The following ELAPOR2 variants were observed in gnomAD, a reference collection of about 807,000 sequenced individuals.
ELAPOR2 encodes the protein endosome-lysosome associated apoptosis and autophagy regulator family member 2.
In ELAPOR2, 89 loss-of-function variants were observed where a neutral mutation model predicts 120.7. The ratio of observed to expected loss-of-function variants is 0.74; its 90% CI spans 0.62 to 0.88. The LOEUF is 0.88. ELAPOR2 is among the 40% of genes least tolerant of loss of function. The pLI is 0.00. For missense variants in ELAPOR2, 1,134 were observed against 1,251.6 expected (o/e 0.91, Z 1.42); for synonymous variants, 444 against 444.9 (o/e 1.00, Z 0.03).
At position 86,926,920 on chromosome 7, in the gene ELAPOR2, C is replaced by CA. The variant is rs397698585; in HGVS notation, c.1090-5dup. On this transcript the variant is annotated splice_polypyrimidine_tract_variant and splice_region_variant and intron_variant, in intron 8 of 21. Transcript: ENST00000450689. Reference sequence around the variant, plus strand: ...TCCACTTGTACATTATCTGTGTCTACAAAAAAAAAAAAAAAAAAAAAGCAA... The same window carrying CA: ...TCCACTTGTACATTATCTGTGTCTACAAAAAAAAAAAAAAAAAAAAAAGCAA... The CA allele has an allele frequency of 0.16, 139,851 of 876,028 alleles. 2,963 individuals carry two copies. The highest frequency in any genetic ancestry group is 0.19 in the African/African-American group (6,504 of 34,040). The allele number at this position is 876,028 out of a possible 1,614,324, so 54.3% of individuals were successfully genotyped here.
At chr7:86,948,342 G>C (rs1377638831) in intron 2 of ELAPOR2, among the ~76,000 whole-genome samples, 1 of 152,184 alleles carries the variant, frequency 6.6e-6, no homozygotes, top group African/African-American at 2.4e-5. Context: ...CAGTGCACTT[G>C]TTATAATACC....
chr7:86,993,245 A>AG (rs1793009358), intron 1 of ELAPOR2, among the ~76,000 whole-genome samples: 1 of 150,244 alleles, frequency 6.7e-6, no homozygotes, highest in African/African-American at 2.4e-5. Context: ...AAAAAAAAAA[A>AG]AAAAAGAAAA....
chr7:86,891,713 T>C lies in ELAPOR2; in HGVS notation c.3030+11A>G. 6.2e-7 allele frequency: 1 copy of C among 1,603,430 alleles called. No individual in the cohort carries two copies. Among genetic ancestry groups the C allele is most frequent in the Middle Eastern group, 1.7e-4 (1 of 6,008 alleles). On this transcript the variant is annotated intron_variant, in intron 21 of 21. Coordinates refer to ENST00000450689, the MANE Select transcript of ELAPOR2 (RefSeq NM_001142749.3). ...ACACCCAGTAACACCAGGTTAAAAT[T>C]CTACTCTCACCTTGGTTGCCAAAGA...
rs552655438 is a variant in ELAPOR2, at chr7:87,030,194, C to A, written c.189+29131G>T. On this transcript the variant is annotated intron_variant, in intron 1 of 21. Transcript: ENST00000450689. ...TGATGCCAAGTAAGTCACATTTATT[C>A]TCCCTGTCCTGTTAGGGTGATCACC... 7.9e-5 allele frequency among the ~76,000 whole-genome samples: 12 copies of A among 152,216 alleles called. No individual in the cohort carries two copies. The South Asian group carries it at 2.5e-3, about 32-fold the overall frequency.
intron 1 of ELAPOR2, among the ~76,000 whole-genome samples, chr7:87,039,428 T>C (rs1168667641): frequency 6.6e-6 from 1 of 152,092 alleles, no homozygotes; most frequent in Admixed American, 6.6e-5. Context: ...ATTACCCTGA[T>C]ACCAAAACCA....
At chr7:86,901,648 GA>G (rs1788731248) in intron 18 of ELAPOR2, among the ~76,000 whole-genome samples, 2 of 152,208 alleles carry the variant, frequency 1.3e-5, no homozygotes, top group Non-Finnish European at 2.9e-5. Flanking sequence ...AGACTGAAGG[GA>G]AAGGCCACAG....
chr7:87,004,698 G>A (rs993047841), intron 1 of ELAPOR2, among the ~76,000 whole-genome samples: 11 of 152,116 alleles, frequency 7.2e-5, no homozygotes, highest in Non-Finnish European at 1.5e-4. Flanking sequence ...GGCTACTGGA[G>A]GCACGTCATC....
At chr7:86,965,702 C>T (rs931030778) in intron 1 of ELAPOR2, 8 of 468,204 alleles carry the variant, frequency 1.7e-5, no homozygotes, top group South Asian at 1.8e-4. Context: ...GAGCACATTA[C>T]ACATAAGTGA....
intron 1 of ELAPOR2, among the ~76,000 whole-genome samples, chr7:86,994,498 A>C (rs1793058759): frequency 6.6e-6 from 1 of 152,238 alleles, no homozygotes; most frequent in African/African-American, 2.4e-5. Flanking sequence ...TAACACATAT[A>C]CTTTTTAAAA....
intron 1 of ELAPOR2, among the ~76,000 whole-genome samples, chr7:86,971,633 G>C (rs1302912142): frequency 6.6e-6 from 1 of 152,154 alleles, no homozygotes; most frequent in African/African-American, 2.4e-5. Context: ...CAAAAGAATG[G>C]AGTTTCTAAA....
At chr7:86,964,771 A>C (rs946668002) in intron 2 of ELAPOR2, 133 bp downstream of exon 2, 12 of 853,746 alleles carry the variant, frequency 1.4e-5, no homozygotes, top group African/African-American at 3.4e-5. Flanking sequence ...GGCTGCATTT[A>C]TTCTGCTGGT....
At position 86,919,271 on chromosome 7, in the gene ELAPOR2, C is replaced by G. The variant is rs750767941; in HGVS notation, c.1439G>C (p.Gly480Ala). 70 of 1,611,978 alleles carry G rather than the reference C, an allele frequency of 4.3e-5. No individual in the cohort carries two copies. In the South Asian group the frequency reaches 5.4e-4, roughly 12 times the overall value. ...VAGDHIQSGA[G>A]GSDNDYLILN... ...GATCAGGTAATCATTGTCAGAACCT[C>G]CAGCCCCACTCTGGATATGATCTCC... The change falls in exon 11 of 22, where the codon GGA becomes GCA. Residue 480 changes from glycine to alanine, a missense_variant. By Grantham distance (60) the Gly-to-Ala change is moderately conservative. Around this residue, in one of 3 missense-constraint regions of ELAPOR2, gnomAD observed 831 missense variants for 867.6 expected, o/e 0.96. Transcript: ENST00000450689.
intron 4 of ELAPOR2, among the ~76,000 whole-genome samples, chr7:86,944,569 C>G (rs1790926264): frequency 6.6e-6 from 1 of 151,886 alleles, no homozygotes; most frequent in South Asian, 2.1e-4. Context: ...TCTGTAGCTA[C>G]TAAAAGTAAT....
At chr7:86,889,060 T>G (rs1185659991) in intron 21 of ELAPOR2, among the ~76,000 whole-genome samples, 1 of 152,084 alleles carries the variant, frequency 6.6e-6, no homozygotes, top group Non-Finnish European at 1.5e-5. Context: ...GTTATGGATG[T>G]TAGAAAAGGT....
intron 1 of ELAPOR2, among the ~76,000 whole-genome samples, chr7:86,979,470 G>A (rs1006248): frequency 0.36 from 54,533 of 152,060 alleles, 10,817 homozygotes; most frequent in African/African-American, 0.52. Flanking sequence ...ATAAATTAAA[G>A]CCTAACAAAC....
chr7:86,970,325 G>T (rs1792063523), intron 1 of ELAPOR2, among the ~76,000 whole-genome samples: 2 of 152,166 alleles, frequency 1.3e-5, no homozygotes, highest in Non-Finnish European at 2.9e-5. Flanking sequence ...AGGACAAAAA[G>T]AAGTAAATGT....
At chr7:86,925,433 C>CA in intron 10 of ELAPOR2, 95 bp downstream of exon 10, 2 of 1,300,560 alleles carry the variant, frequency 1.5e-6, no homozygotes, top group Non-Finnish European at 1.1e-6. Context: ...TGAAGTTCCT[C>CA]ATACCCATAC....
At chr7:86,907,477 G>C (rs1789073612) in intron 18 of ELAPOR2, among the ~76,000 whole-genome samples, 193 bp downstream of exon 18, 1 of 150,544 alleles carries the variant, frequency 6.6e-6, no homozygotes, top group African/African-American at 2.4e-5. Flanking sequence ...AGGCTAGGAA[G>C]TCTTTAGATT....
intron 21 of ELAPOR2, among the ~76,000 whole-genome samples, chr7:86,890,738 A>G (rs771803368): frequency 6.6e-6 from 1 of 152,066 alleles, no homozygotes; most frequent in South Asian, 2.1e-4. Flanking sequence ...ATTTTATGGC[A>G]ATAGTACCCT....
Sources: allele counts gnomAD v4.1 joint callset (sites outside exome capture counted in the v4.1 genomes callset), GRCh38; gene constraint gnomAD v4.1.1; regional missense constraint gnomAD v4.1.1; transcripts MANE v1.5; gene names NCBI Gene and HGNC (gene_info 2026-07-23, HGNC 2026-07-21).